The following SLC25A13 variants were observed in gnomAD, a reference collection of about 807,000 sequenced individuals.
The protein encoded by SLC25A13 is electrogenic aspartate/glutamate antiporter SLC25A13, mitochondrial.
SLC25A13 carries 70 observed loss-of-function variants against 85.5 expected under a neutral mutation model. The observed-to-expected ratio is 0.82, with a 90% confidence interval of 0.68 to 1.00. The LOEUF is 1.00. Ranked by LOEUF, SLC25A13 falls within the 50% of genes least tolerant of loss-of-function variation. SLC25A13 has a pLI of 0.00. For missense variants in SLC25A13, 765 were observed against 819.8 expected (o/e 0.93, Z 0.82); for synonymous variants, 259 against 288.7 (o/e 0.90, Z 1.04).
At position 96,321,988 on chromosome 7, in the gene SLC25A13, C is replaced by G; in HGVS notation, c.-32G>C. ...CCCCGGTTGCGGGCGACTGCGGGAC[C>G]CACTGACTGGCTGGCTGGCGTTTGG... is the stretch of plus-strand genomic sequence containing the variant. On this transcript the variant is annotated 5_prime_UTR_variant, in exon 1 of 18. Coordinates refer to ENST00000265631, the MANE Select transcript of SLC25A13 (RefSeq NM_014251.3). 6.5e-7 allele frequency: 1 copy of G among 1,536,734 alleles called. No homozygotes were observed.
intron 2 of SLC25A13, among the ~76,000 whole-genome samples, chr7:96,279,492 G>A (rs996536293): frequency 6.6e-6 from 1 of 152,096 alleles, no homozygotes; most frequent in Non-Finnish European, 1.5e-5. Context: ...TTAACATGGC[G>A]GTAGGCAAGA....
intron 6 of SLC25A13, among the ~76,000 whole-genome samples, chr7:96,191,494 G>T (rs117780050): frequency 3.4e-4 from 52 of 152,244 alleles, no homozygotes; most frequent in Non-Finnish European, 5.9e-4. Flanking sequence ...AAATACATGT[G>T]TAGGATTATA....
chr7:96,296,505 C>T (rs1799354734), intron 2 of SLC25A13, among the ~76,000 whole-genome samples: 1 of 149,092 alleles, frequency 6.7e-6, no homozygotes, highest in Admixed American at 6.7e-5. Flanking sequence ...TTTCTTGAGA[C>T]AGTCTTGCTC....
intron 5 of SLC25A13, among the ~76,000 whole-genome samples, chr7:96,201,237 C>T (rs114600404): frequency 0.03 from 4,632 of 152,146 alleles, 178 homozygotes; most frequent in African/African-American, 0.087. Context: ...GGGCTGGGCA[C>T]GGTGGCTCAT....
At chr7:96,186,483 A>G (rs921164121) in intron 9 of SLC25A13, among the ~76,000 whole-genome samples, 1 of 152,204 alleles carries the variant, frequency 6.6e-6, no homozygotes, top group Non-Finnish European at 1.5e-5. Context: ...AGCTACAAGA[A>G]TGTAGCACTT....
chr7:96,149,525 A>G (rs1258677131), intron 13 of SLC25A13, among the ~76,000 whole-genome samples: 3 of 152,210 alleles, frequency 2.0e-5, no homozygotes, highest in Non-Finnish European at 4.4e-5. Flanking sequence ...CACTTCAGAG[A>G]GCTGCAGGAG....
At chr7:96,179,756 T>A (rs941109458) in intron 11 of SLC25A13, among the ~76,000 whole-genome samples, 1 of 152,240 alleles carries the variant, frequency 6.6e-6, no homozygotes, top group South Asian at 2.1e-4. Context: ...TGGATGGACA[T>A]GAGTGCAGTT....
chr7:96,292,940 A>T (rs1799184671), intron 2 of SLC25A13, among the ~76,000 whole-genome samples: 1 of 152,228 alleles, frequency 6.6e-6, no homozygotes, highest in Non-Finnish European at 1.5e-5. Flanking sequence ...TTTAAAGTTC[A>T]TATGGAACCA....
At chr7:96,199,544 T>C (rs747303324) in intron 5 of SLC25A13, among the ~76,000 whole-genome samples, 15 of 152,140 alleles carry the variant, frequency 9.9e-5, no homozygotes, top group Non-Finnish European at 2.1e-4. Flanking sequence ...TGAAGACAAA[T>C]GGCCCTTCCT....
chr7:96,273,851 A>C (rs1438981293), intron 3 of SLC25A13, among the ~76,000 whole-genome samples: 1 of 152,332 alleles, frequency 6.6e-6, no homozygotes, highest in East Asian at 1.9e-4. Flanking sequence ...AACATGAGCC[A>C]TTCTAGGAGG....
intron 4 of SLC25A13, among the ~76,000 whole-genome samples, chr7:96,218,600 T>G (rs114897694): frequency 0.03 from 4,636 of 152,314 alleles, 181 homozygotes; most frequent in African/African-American, 0.088. Context: ...TCTAAAAGAT[T>G]CACTTTTTGA....
At chr7:96,315,508 T>A (rs1800097390) in intron 1 of SLC25A13, among the ~76,000 whole-genome samples, 1 of 152,104 alleles carries the variant, frequency 6.6e-6, no homozygotes, top group South Asian at 2.1e-4. Context: ...ATAACAAATG[T>A]TTCTGGGACT....
intron 2 of SLC25A13, among the ~76,000 whole-genome samples, chr7:96,291,969 A>G (rs939218724): frequency 3.9e-5 from 6 of 152,194 alleles, no homozygotes; most frequent in African/African-American, 1.4e-4. Flanking sequence ...TGGCAGAGAC[A>G]CAACAAAAAA....
intron 5 of SLC25A13, among the ~76,000 whole-genome samples, chr7:96,202,994 C>A (rs1795316871): frequency 6.6e-6 from 1 of 152,148 alleles, no homozygotes; most frequent in Non-Finnish European, 1.5e-5. Flanking sequence ...CTGTTACCAT[C>A]CAACTGAGAC....
chr7:96,214,644 G>A (rs1426210342), intron 4 of SLC25A13, among the ~76,000 whole-genome samples: 4 of 152,018 alleles, frequency 2.6e-5, no homozygotes, highest in South Asian at 4.2e-4. Context: ...GGAGAATGGC[G>A]TGAACCCGGA....
chr7:96,183,757 G>T (rs540409748), intron 11 of SLC25A13, among the ~76,000 whole-genome samples: 6 of 152,278 alleles, frequency 3.9e-5, no homozygotes, highest in South Asian at 2.1e-4. Context: ...CTGTCTCAGT[G>T]GGGGGAAACC....
chr7:96,293,989 A>G (rs1034149890), intron 2 of SLC25A13, among the ~76,000 whole-genome samples: 1 of 152,238 alleles, frequency 6.6e-6, no homozygotes, highest in African/African-American at 2.4e-5. Flanking sequence ...ACGTATGTTT[A>G]TTGCGGCACT....
intron 3 of SLC25A13, among the ~76,000 whole-genome samples, chr7:96,267,998 T>C (rs144521269): frequency 6.5e-4 from 99 of 152,210 alleles, no homozygotes; most frequent in African/African-American, 2.3e-3. Context: ...ACACTGGAGA[T>C]GAAAGACATA....
At chr7:96,219,565 T>A in intron 4 of SLC25A13, 2 of 403,692 alleles carry the variant, frequency 5.0e-6, no homozygotes, top group Non-Finnish European at 1.0e-5. Context: ...AAGAAAGCCA[T>A]AAACTATACT....
Sources: gnomAD v4.1 joint callset for allele counts (sites outside exome capture counted in the v4.1 genomes callset) on GRCh38, gnomAD v4.1.1 for gene constraint, MANE v1.5 for transcripts, NCBI Gene and HGNC (gene_info 2026-07-23, HGNC 2026-07-21) for gene names.